Variants in ADGRA2 observed in about 807,000 individuals in gnomAD.
ADGRA2 encodes adhesion G protein-coupled receptor A2.
ADGRA2 carries 61 observed loss-of-function variants against 98.7 expected under a neutral mutation model. The ratio of observed to expected loss-of-function variants is 0.62; its 90% CI spans 0.50 to 0.76. The LOEUF (loss-of-function observed/expected upper bound fraction) is 0.76, where lower values mean the gene tolerates loss of function less well. ADGRA2 is among the 30% of genes least tolerant of loss of function. ADGRA2 has a pLI of 0.00. For missense variants in ADGRA2, 1,712 were observed against 1,860.0 expected (o/e 0.92, Z 1.46); for synonymous variants, 858 against 831.5 (o/e 1.03, Z -0.55).
intron 1 of ADGRA2, among the ~76,000 whole-genome samples, chr8:37,812,541 G>A (rs1804866367): frequency 6.6e-6 from 1 of 152,180 alleles, no homozygotes; most frequent in Admixed American, 6.5e-5. Context: ...GCAGGAGAAT[G>A]GCGTGAGCCC....
chr8:37,840,769 G>C lies in ADGRA2; in HGVS notation c.2667G>C (p.Leu889Phe), dbSNP rs1210807569. Residue 889 changes from leucine to phenylalanine, a missense_variant, in exon 18 of 19, where the codon TTG (leucine) becomes TTC (phenylalanine). Transcript: ENST00000412232. ...CCCTCATTCCCTCCAGGTTCTATTT[G>C]ATCGCTGGAGGGATTCCACTCATTA... ...PTPSPMLRFYLIAGGIPLIIC... is the reference protein window; with the variant it reads ...PTPSPMLRFYFIAGGIPLIIC... 31 of 1,590,150 alleles carry C rather than the reference G, an allele frequency of 1.9e-5. No individual in the cohort carries two copies. Among genetic ancestry groups the C allele is most frequent in the African/African-American group, 2.7e-5 (2 of 74,380 alleles).
intron 5 of ADGRA2, 93 bp from the exon 6 acceptor site, chr8:37,829,758 C>A: frequency 1.5e-6 from 2 of 1,323,290 alleles, no homozygotes; most frequent in Non-Finnish European, 2.1e-6. Context: ...CCCCTCCTAC[C>A]CTCTCCAGCT....
chr8:37,839,691 G>T, intron 16 of ADGRA2, 69 bp downstream of exon 16: 2 of 1,563,480 alleles, frequency 1.3e-6, no homozygotes, highest in Non-Finnish European at 1.7e-6. Flanking sequence ...ATAGAGTGGG[G>T]TGATGCGCTG....
intron 2 of ADGRA2, among the ~76,000 whole-genome samples, chr8:37,824,031 A>G (rs543701260): frequency 2.7e-5 from 4 of 150,812 alleles, no homozygotes; most frequent in South Asian, 2.1e-4. Flanking sequence ...ATCCTTTAAG[A>G]TGCAATTTTT....
At position 37,844,428 on chromosome 8, in the gene ADGRA2, G is replaced by A. The variant is rs1805909857; in HGVS notation, c.*2073G>A. ...CGGACTGGTGTACACTTCCATCCTT[G>A]GTTATAACAGGAATGTTATCAAGCT... On this transcript the variant is annotated 3_prime_UTR_variant, in exon 19 of 19. Coordinates refer to ENST00000412232, the MANE Select transcript of ADGRA2 (RefSeq NM_032777.10). The A allele has an allele frequency of 6.4e-7, 1 of 1,569,228 alleles. No individual in the cohort carries two copies.
intron 2 of ADGRA2, among the ~76,000 whole-genome samples, chr8:37,825,135 C>T (rs149108508): frequency 1.3e-5 from 2 of 152,326 alleles, no homozygotes; most frequent in African/African-American, 4.8e-5. Flanking sequence ...GCGTCTTTCC[C>T]AGGTTCCAAG....
Position 37,802,238 on chromosome 8 carries a change from G to T in ADGRA2, c.266+4704G>T, listed in dbSNP as rs1804529810. On this transcript the variant is annotated intron_variant, in intron 1 of 18. Coordinates refer to ENST00000412232, the MANE Select transcript of ADGRA2 (RefSeq NM_032777.10). This position sits in a 1 kb window ranked among gnomAD's most constrained non-coding sequence, Gnocchi z 4.7. ...TACAGCCACCAGGATCCAGTTAGGGGAATTTGGGCAAAGTGTGCCAAGCGT... is the reference window on the plus strand; with the variant it reads ...TACAGCCACCAGGATCCAGTTAGGGTAATTTGGGCAAAGTGTGCCAAGCGT... Among the ~76,000 whole-genome samples, 1 of 152,220 alleles carries T rather than the reference G, an allele frequency of 6.6e-6. No homozygotes were observed. Among genetic ancestry groups the T allele is most frequent in the Non-Finnish European group, 1.5e-5 (1 of 68,040 alleles).
rs143113584 is a variant in ADGRA2 at position 37,838,965 on chromosome 8, G to A, written c.2269G>A (p.Ala757Thr). ...TCCTGCCCTTTCCCAGGAGCTGAGC[G>A]CCTTTCCCAGGGAGGTGGGGGGCGC... ...GNVAVLMELS[A>T]FPREVGGAGA... is the part of the protein sequence containing the mutation. The change falls in exon 15 of 19, where the codon GCC becomes ACC. Residue 757 changes from alanine (A) to threonine (T), a missense_variant. By Grantham distance (58) the Ala-to-Thr change is moderately conservative. Transcript: ENST00000412232. 6.1e-5 allele frequency: 95 copies of A among 1,569,130 alleles called. No individual in the cohort carries two copies. The highest frequency in any genetic ancestry group is 6.8e-5 in the Non-Finnish European group (79 of 1,158,626).
rs1326914830 is a variant in ADGRA2, at chr8:37,802,768, A to G, written c.266+5234A>G. Among the ~76,000 whole-genome samples the G allele has an allele frequency of 6.6e-6, 1 of 152,168 alleles. No homozygotes were observed. The highest frequency in any genetic ancestry group is 2.4e-5 in the African/African-American group (1 of 41,430). On this transcript the variant is annotated intron_variant, in intron 1 of 18. Transcript: ENST00000412232. The surrounding 1 kb of genome is among the most constrained non-coding windows in gnomAD (Gnocchi z 4.7). ...AGAGCTCCCTCTGCTGCAGGATGTT[A>G]GAGTCAGGGTCCCATCCTAGGGAGA...
rs532856347 is a variant in ADGRA2 at position 37,802,891 on chromosome 8, C to T, written c.266+5357C>T. ...GCTCCTAAGGGGGCACTTGTGACTC[C>T]GCCCCCAGTGGGTCCAAGATCCCAA... On this transcript the variant is annotated intron_variant, in intron 1 of 18. Coordinates refer to ENST00000412232, the MANE Select transcript of ADGRA2 (RefSeq NM_032777.10). This position sits in a 1 kb window ranked among gnomAD's most constrained non-coding sequence, Gnocchi z 4.7. 9.5e-4 allele frequency among the ~76,000 whole-genome samples: 145 copies of T among 152,264 alleles called. 1 individual carries two copies. The highest frequency in any genetic ancestry group is 3.0e-3 in the African/African-American group (124 of 41,554).
At chr8:37,829,017 C>T (rs1805373273) in intron 3 of ADGRA2, 58 bp downstream of exon 3, 1 of 1,221,476 alleles carries the variant, frequency 8.2e-7, no homozygotes, top group African/African-American at 1.5e-5. Flanking sequence ...GAAAGTCACC[C>T]CTCCTGCTCC....
At chr8:37,822,028 G>A (rs1158019648) in intron 2 of ADGRA2, among the ~76,000 whole-genome samples, 2 of 152,182 alleles carry the variant, frequency 1.3e-5, no homozygotes, top group African/African-American at 4.8e-5. Flanking sequence ...AGGCCCAGGA[G>A]GGAAGGCTGA....
At position 37,833,089 on chromosome 8, in the gene ADGRA2, G is replaced by A. The variant is rs781166006; in HGVS notation, c.1177G>A (p.Gly393Ser). ...CTTCACCTCAGTGCCCCTGGGCGGG[G>A]GTGCCCCGGGCACCCGAGCCTCCCG... ...YPFTSVPLGG[G>S]APGTRASRRC... Residue 393 changes from glycine to serine, a missense_variant, in exon 9 of 19, where the codon GGT becomes AGT. Physicochemically the swap from Gly to Ser is moderately conservative, Grantham distance 56. Coordinates refer to ENST00000412232, the MANE Select transcript of ADGRA2 (RefSeq NM_032777.10). 8 of 1,612,304 alleles carry A rather than the reference G, an allele frequency of 5.0e-6. No homozygotes were observed. Among genetic ancestry groups the A allele is most frequent in the Non-Finnish European group, 5.9e-6 (7 of 1,179,684 alleles).
intron 3 of ADGRA2, 99 bp from the exon 4 acceptor site, chr8:37,829,161 AC>A: frequency 6.7e-6 from 6 of 895,178 alleles, no homozygotes; most frequent in Non-Finnish European, 7.2e-6. Context: ...TTTTCATCCC[AC>A]CCCCCAACAC....
rs1804393747 is a variant in ADGRA2 at position 37,798,123 on chromosome 8, C to T, written c.266+589C>T. ...GAAAAGTCGGCCCTTGGAATACCGG[C>T]GCTCCTGGGCTGCAGGAGACCCTGG... On this transcript the variant is annotated intron_variant, in intron 1 of 18. Coordinates refer to ENST00000412232, the MANE Select transcript of ADGRA2 (RefSeq NM_032777.10). 2.0e-5 allele frequency among the ~76,000 whole-genome samples: 3 copies of T among 150,486 alleles called. No homozygotes were observed. In the Admixed American group the frequency reaches 2.0e-4, roughly 10 times the overall value.
chr8:37,840,409 G>C lies in ADGRA2; in HGVS notation c.2657+143G>C, dbSNP rs529948136. 5.5e-4 allele frequency: 478 copies of C among 869,478 alleles called. 2 individuals carry two copies. In the African/African-American group the frequency reaches 6.7e-3, roughly 12 times the overall value. The allele number at this position is 869,478 out of a possible 1,614,324, so 53.9% of individuals were successfully genotyped here. A position where few individuals can be genotyped will look rare whatever the true frequency, so the allele number is the denominator to read the frequency against. ...CGGGGGAGGCTAGGCCCTAGACTCA[G>C]CAGGTCACACAAGACCATGCAGTGG... On this transcript the variant is annotated intron_variant, in intron 17 of 18. Coordinates refer to ENST00000412232, the MANE Select transcript of ADGRA2 (RefSeq NM_032777.10).
chr8:37,833,316 C>A, intron 9 of ADGRA2, 108 bp downstream of exon 9: 1 of 865,950 alleles, frequency 1.2e-6, no homozygotes, highest in Non-Finnish European at 1.8e-6. Flanking sequence ...CTGGGCTGTG[C>A]CTCCTGTTCC....
chr8:37,832,436 A>G (rs2130020305), intron 8 of ADGRA2, among the ~76,000 whole-genome samples: 1 of 152,158 alleles, frequency 6.6e-6, no homozygotes, highest in South Asian at 2.1e-4. Context: ...TCCTGGGCTC[A>G]AGCAATCCTC....
chr8:37,830,904 G>A lies in ADGRA2; in HGVS notation c.913G>A (p.Asp305Asn), dbSNP rs1171888150. 6 of 1,580,652 alleles carry A rather than the reference G, an allele frequency of 3.8e-6. No individual in the cohort carries two copies. In the East Asian group the frequency reaches 9.2e-5, roughly 24 times the overall value. The change falls in exon 7 of 19, where the codon GAC becomes AAC. Residue 305 changes from aspartate (D) to asparagine (N), a missense_variant. By Grantham distance (23) the Asp-to-Asn change is conservative. Transcript: ENST00000412232. This position sits in a 1 kb window ranked among gnomAD's most constrained non-coding sequence, Gnocchi z 4.8. ...CCTCCTGGCCGAGAGCCTCATCCACGACTGCACCTTCATCACCAGGTATGA... is the reference window on the plus strand; with the variant it reads ...CCTCCTGGCCGAGAGCCTCATCCACAACTGCACCTTCATCACCAGGTATGA... ...GILLAESLIHDCTFITSELTL... is the reference protein window; with the variant it reads ...GILLAESLIHNCTFITSELTL...
Sources: gnomAD v4.1 joint callset for allele counts (sites outside exome capture counted in the v4.1 genomes callset) on GRCh38, gnomAD v4.1.1 for gene constraint, Gnocchi (gnomAD v3.1) non-coding constraint, MANE v1.5 for transcripts, NCBI Gene and HGNC (gene_info 2026-07-23, HGNC 2026-07-21) for gene names.